PC: variants seen among roughly 807,000 people sequenced by gnomAD.
PC encodes the protein pyruvate carboxylase, mitochondrial.
Under a neutral mutation model 107.8 loss-of-function variants are expected in PC, and 46 were observed. The observed-to-expected ratio is 0.43, with a 90% CI of 0.34 to 0.55. The LOEUF is 0.55. Ranked by LOEUF, PC falls within the 20% of genes least tolerant of loss-of-function variation. The pLI is 0.04. For missense variants in PC, 1,241 were observed against 1,643.1 expected (o/e 0.76, Z 4.23); for synonymous variants, 662 against 684.7 (o/e 0.97, Z 0.52).
chr11:66,880,232 C>T (rs369240444), intron 3 of PC, among the ~76,000 whole-genome samples: 14 of 152,158 alleles, frequency 9.2e-5, no homozygotes, highest in Admixed American at 3.3e-4. Flanking sequence ...GTAAGATGGG[C>T]GTGGCCCCCT....
chr11:66,905,264 C>A (rs560744958), intron 3 of PC, among the ~76,000 whole-genome samples: 2 of 152,236 alleles, frequency 1.3e-5, no homozygotes, highest in East Asian at 3.8e-4. Context: ...CTTAGGAGAG[C>A]TAAGTGAAGG....
At chr11:66,916,550 G>A (rs578113720) in intron 3 of PC, among the ~76,000 whole-genome samples, 2 of 152,330 alleles carry the variant, frequency 1.3e-5, no homozygotes, top group East Asian at 1.9e-4. Context: ...AGTCACCTTA[G>A]TCTCCCCAAA....
chr11:66,853,159 GGGAGTGGCA>G, intron 13 of PC, 71 bp downstream of exon 13: 1 of 1,531,480 alleles, frequency 6.5e-7, no homozygotes, highest in Non-Finnish European at 8.9e-7. Flanking sequence ...TTTGGTCATG[GGGAGTGGCA>G]AGGAGGTAGG....
At chr11:66,946,361 T>C (rs1042241785) in intron 3 of PC, among the ~76,000 whole-genome samples, 5 of 152,094 alleles carry the variant, frequency 3.3e-5, no homozygotes, top group Admixed American at 2.6e-4. Context: ...CCAGGTGCAG[T>C]GGCTCATGCC....
At chr11:66,872,503 A>G (rs1054660640) in intron 3 of PC, among the ~76,000 whole-genome samples, 5 of 152,130 alleles carry the variant, frequency 3.3e-5, no homozygotes, top group Middle Eastern at 6.8e-3. Flanking sequence ...AATATGCACT[A>G]TAACTTTTAA....
Position 66,871,412 on chromosome 11 carries a change from G to C in PC, c.390C>G (p.Ala130=), listed in dbSNP as rs200699743. 1.9e-6 allele frequency: 3 copies of C among 1,613,682 alleles called. No individual in the cohort carries two copies. Among genetic ancestry groups the C allele is most frequent in the Non-Finnish European group, 2.5e-6 (3 of 1,180,042 alleles). Residue 130 remains alanine, a synonymous_variant, in exon 6 of 23, where the codon GCC becomes GCG. Transcript: ENST00000393960. The surrounding 1 kb of genome is among the most constrained non-coding windows in gnomAD (Gnocchi z 7.4). ...TAAACCGGACCCCTGCATCCTGGCA[G>C]GCCTGGGCGAAGTCCGCTCGCTCAG... is the stretch of plus-strand genomic sequence containing the variant. ...FLSERADFAQ[A]CQDAGVRFIG... is the part of the protein sequence containing the mutation.
At chr11:66,912,197 C>T (rs773513945) in intron 3 of PC, among the ~76,000 whole-genome samples, 4 of 152,250 alleles carry the variant, frequency 2.6e-5, no homozygotes, top group East Asian at 3.8e-4. Flanking sequence ...CAATCCCCAT[C>T]GCAATCCTAG....
intron 12 of PC, chr11:66,859,646 A>G: frequency 6.2e-7 from 1 of 1,612,840 alleles, no homozygotes; most frequent in Non-Finnish European, 8.5e-7. Flanking sequence ...GGATTGTCCC[A>G]GCCTCCAGCC....
intron 3 of PC, among the ~76,000 whole-genome samples, chr11:66,910,804 C>T (rs576334970): frequency 6.6e-6 from 1 of 152,330 alleles, no homozygotes; most frequent in East Asian, 1.9e-4. Context: ...AACGCTAGTG[C>T]TGACAGTCTC....
intron 3 of PC, chr11:66,934,359 G>C (rs762400209): frequency 6.5e-6 from 1 of 152,906 alleles, no homozygotes; most frequent in African/African-American, 2.4e-5. Flanking sequence ...CATTTGTACA[G>C]AATGAACGTG....
intron 12 of PC, chr11:66,860,269 T>C: frequency 6.6e-7 from 1 of 1,523,152 alleles, no homozygotes; most frequent in East Asian, 2.4e-5. Flanking sequence ...CCGCCTGGCC[T>C]GGGAGTCCCT....
intron 21 of PC, 92 bp from the exon 22 acceptor site, chr11:66,849,462 TG>T: frequency 6.2e-7 from 1 of 1,604,046 alleles, no homozygotes. Context: ...CACTGGGCCT[TG>T]GCTCCTCGTT....
At chr11:66,916,180 C>T (rs548268970) in intron 3 of PC, among the ~76,000 whole-genome samples, 10 of 152,330 alleles carry the variant, frequency 6.6e-5, no homozygotes, top group Admixed American at 1.3e-4. Context: ...TTTCCCTTAG[C>T]GTAGGTCAGG....
chr11:66,924,542 C>T (rs1458331697), intron 3 of PC, among the ~76,000 whole-genome samples: 2 of 152,042 alleles, frequency 1.3e-5, no homozygotes, highest in Non-Finnish European at 2.9e-5. Flanking sequence ...TCTCTGCTTC[C>T]CAGGTTCAAG....
At chr11:66,908,519 A>C (rs6591226) in intron 3 of PC, among the ~76,000 whole-genome samples, 78,763 of 152,048 alleles carry the variant, frequency 0.52, 20,721 homozygotes, top group Non-Finnish European at 0.55. Flanking sequence ...GCACCCCAGT[A>C]AGAAGCCAGA....
intron 3 of PC, among the ~76,000 whole-genome samples, chr11:66,903,734 T>G: frequency 1.1e-5 from 1 of 94,150 alleles, no homozygotes; most frequent in Non-Finnish European, 1.9e-5. Context: ...GGCAACAGAG[T>G]GAGAGACTCC....
rs1185918159 is a variant in PC at position 66,945,419 on chromosome 11, G to GC, written c.-1+7010_-1+7011insG. Among the ~76,000 whole-genome samples the GC allele has an allele frequency of 9.3e-4, 11 of 11,808 alleles. 3 individuals are homozygous for GC. The highest frequency in any genetic ancestry group is 1.8e-3 in the African/African-American group (8 of 4,510). The allele number at this position is 11,808 out of a possible 152,430, so 7.7% of individuals were successfully genotyped here. On this transcript the variant is annotated intron_variant, in intron 3 of 22. Coordinates refer to ENST00000393960, the MANE Select transcript of PC (RefSeq NM_001040716.2). Reference sequence around the variant, plus strand: ...TAGATTAACTGAATTCAAATGGTTTGGGGGGGCGGGTCGGAACTGCAGAGT... The same window carrying GC: ...TAGATTAACTGAATTCAAATGGTTTGCGGGGGGCGGGTCGGAACTGCAGAGT...
In PC at chr11:66,850,468, C is replaced by T. The variant is rs2135796905; in HGVS notation, c.2474-4G>A. On this transcript the variant is annotated splice_polypyrimidine_tract_variant and splice_region_variant and intron_variant, in intron 18 of 22. Transcript: ENST00000393960. ...AACACGCGCTCCATGGGCACCTCTGCAGGGAGGCCAGAGTCAGAGGAGGCC... is the reference window on the plus strand; with the variant it reads ...AACACGCGCTCCATGGGCACCTCTGTAGGGAGGCCAGAGTCAGAGGAGGCC... 6.2e-7 allele frequency: 1 copy of T among 1,613,902 alleles called. No individual in the cohort carries two copies.
rs1310586071 is a variant in PC at position 66,857,917 on chromosome 11, A to G, written c.1369-4534T>C. ...ACAGTGGAGCTGCGGCTGGCTGACA[A>G]CTTCATCCAGGCCCTGGGGCCCCCT... On this transcript the variant is annotated intron_variant, in intron 12 of 22. Coordinates refer to ENST00000393960, the MANE Select transcript of PC (RefSeq NM_001040716.2). The surrounding 1 kb of genome is among the most constrained non-coding windows in gnomAD (Gnocchi z 7.1). 6.2e-7 allele frequency: 1 copy of G among 1,612,272 alleles called. No individual in the cohort carries two copies. The highest frequency in any genetic ancestry group is 1.7e-5 in the Admixed American group (1 of 60,020).
Sources: gnomAD v4.1 joint callset for allele counts (sites outside exome capture counted in the v4.1 genomes callset) on GRCh38, gnomAD v4.1.1 for gene constraint, Gnocchi (gnomAD v3.1) non-coding constraint, MANE v1.5 for transcripts, NCBI Gene and HGNC (gene_info 2026-07-23, HGNC 2026-07-21) for gene names.